Variants in NUP98 observed in about 807,000 individuals in gnomAD.
The protein encoded by NUP98 is nuclear pore complex protein Nup98-Nup96.
In NUP98, 26 loss-of-function variants were observed where a neutral mutation model predicts 191.9. The observed-to-expected ratio is 0.14, with a 90% CI of 0.10 to 0.19. The LOEUF is 0.19. Among genes scored for constraint, NUP98 ranks in the 10% least tolerant of loss-of-function variants. The pLI, the probability that NUP98 is intolerant of heterozygous loss-of-function variation, is 1.00. For missense variants in NUP98, 1,941 were observed against 2,178.8 expected (o/e 0.89, Z 2.17); for synonymous variants, 808 against 778.4 (o/e 1.04, Z -0.63).
At chr11:3,735,461 G>A (rs1589836933) in intron 12 of NUP98, 137 bp from the exon 13 acceptor site, 1 of 368,796 alleles carries the variant, frequency 2.7e-6, no homozygotes, top group Non-Finnish European at 4.5e-6. Flanking sequence ...TATCATTGGG[G>A]CAGAATGTGT....
chr11:3,685,438 A>G (rs2078108614), intron 29 of NUP98, among the ~76,000 whole-genome samples: 5 of 152,228 alleles, frequency 3.3e-5, no homozygotes, highest in Admixed American at 3.3e-4. Flanking sequence ...CCTGCCGTGG[A>G]GTCACTGAGG....
intron 8 of NUP98, among the ~76,000 whole-genome samples, chr11:3,763,864 C>T (rs1449207989): frequency 6.6e-6 from 1 of 152,228 alleles, no homozygotes; most frequent in Non-Finnish European, 1.5e-5. Context: ...AAATGAGAAA[C>T]TATACTCATT....
chr11:3,703,406 CAG>C (rs1439930844), intron 22 of NUP98, among the ~76,000 whole-genome samples: 1 of 152,026 alleles, frequency 6.6e-6, no homozygotes, highest in African/African-American at 2.4e-5. Context: ...TTAGTAGAGA[CAG>C]AGTTTCACCA....
chr11:3,687,809 C>T (rs956184188), intron 28 of NUP98, among the ~76,000 whole-genome samples: 2 of 152,074 alleles, frequency 1.3e-5, no homozygotes, highest in Admixed American at 6.6e-5. Context: ...CGCCTGTAAT[C>T]CCAGCACTTT....
chr11:3,728,271 ACCT>A (rs2079699697), intron 14 of NUP98, among the ~76,000 whole-genome samples: 1 of 152,126 alleles, frequency 6.6e-6, no homozygotes, highest in African/African-American at 2.4e-5. Flanking sequence ...GGGAAATCCT[ACCT>A]TTGAGGACTT....
At chr11:3,684,400 A>G (rs1291904549) in intron 29 of NUP98, among the ~76,000 whole-genome samples, 1 of 152,158 alleles carries the variant, frequency 6.6e-6, no homozygotes. Flanking sequence ...AACTATTCTC[A>G]TTATGGACTC....
chr11:3,772,008 G>T, intron 6 of NUP98, 80 bp from the exon 7 acceptor site: 1 of 1,194,154 alleles, frequency 8.4e-7, no homozygotes, highest in Non-Finnish European at 1.2e-6. Context: ...CTTGAATTTA[G>T]TATTCAAGTT....
intron 30 of NUP98, among the ~76,000 whole-genome samples, chr11:3,680,724 T>C (rs2077959906): frequency 6.6e-6 from 1 of 152,098 alleles, no homozygotes; most frequent in East Asian, 1.9e-4. Context: ...TTTTTTGTAC[T>C]TTTGGTACAG....
At position 3,780,378 on chromosome 11, in the gene NUP98, A is replaced by T. The variant is rs1035532654; in HGVS notation, c.77-1121T>A. On this transcript the variant is annotated intron_variant, in intron 2 of 32. Transcript: ENST00000324932. ...ACCCTGTCTCCACTTAAAATAAAAA[A>T]AAAAAAAAAAAAAATTAGCCGGGCC... is the stretch of plus-strand genomic sequence containing the variant. Among the ~76,000 whole-genome samples, 10 of 150,194 alleles carry T rather than the reference A, an allele frequency of 6.7e-5. No homozygotes were observed. The East Asian group carries it at 7.9e-4, about 12-fold the overall frequency.
chr11:3,704,864 G>A (rs1477961600), intron 22 of NUP98, among the ~76,000 whole-genome samples: 1 of 152,152 alleles, frequency 6.6e-6, no homozygotes, highest in East Asian at 1.9e-4. Context: ...AAAATAATTA[G>A]TTGAGTAGTG....
intron 10 of NUP98, among the ~76,000 whole-genome samples, chr11:3,755,133 C>T (rs2080913263): frequency 6.6e-6 from 1 of 151,684 alleles, no homozygotes; most frequent in Non-Finnish European, 1.5e-5. Context: ...GCCAGAAAAC[C>T]CTGTTTGCAG....
intron 6 of NUP98, among the ~76,000 whole-genome samples, chr11:3,773,007 A>C (rs996970278): frequency 1.3e-5 from 2 of 152,060 alleles, no homozygotes; most frequent in South Asian, 2.1e-4. Flanking sequence ...AACAAAAAAA[A>C]ACCAACTTTT....
At chr11:3,724,889 T>C (rs530098903) in intron 15 of NUP98, among the ~76,000 whole-genome samples, 1 of 150,942 alleles carries the variant, frequency 6.6e-6, no homozygotes, top group African/African-American at 2.4e-5. Flanking sequence ...AATACCAAAA[T>C]AGTTCTGAAG....
chr11:3,797,521 C>G lies in NUP98; in HGVS notation c.-150G>C. On this transcript the variant is annotated 5_prime_UTR_variant, in exon 1 of 33. Coordinates refer to ENST00000324932, the MANE Select transcript of NUP98 (RefSeq NM_016320.5). ...CGCTACCACCCCTGCCACCGACCGC[C>G]GCTTCGGGCGCAGCGCGCAGAGGGC... 2 of 443,726 alleles carry G rather than the reference C, an allele frequency of 4.5e-6. No homozygotes were observed. Among genetic ancestry groups the G allele is most frequent in the Non-Finnish European group, 7.9e-6 (2 of 252,554 alleles). The allele number at this position is 443,726 out of a possible 1,614,324, so 27.5% of individuals were successfully genotyped here. A position where few individuals can be genotyped will look rare whatever the true frequency, so the allele number is the denominator to read the frequency against.
At chr11:3,775,799 G>A in intron 5 of NUP98, 83 bp downstream of exon 5, 2 of 1,386,184 alleles carry the variant, frequency 1.4e-6, no homozygotes, top group Non-Finnish European at 2.0e-6. Flanking sequence ...AAGCTGGAAA[G>A]AGAAGCAATT....
In NUP98 at chr11:3,723,139, C is replaced by T. The variant is rs764011800; in HGVS notation, c.2146+18G>A. 3.1e-6 allele frequency: 5 copies of T among 1,609,644 alleles called. No homozygotes were observed. The South Asian group carries it at 4.4e-5, about 14-fold the overall frequency. ...AATGACTGGTAAGAGATTAAACATG[C>T]ACCAATCTGAACCTGACCTGCTGGG... On this transcript the variant is annotated intron_variant, in intron 16 of 32. Coordinates refer to ENST00000324932, the MANE Select transcript of NUP98 (RefSeq NM_016320.5).
intron 12 of NUP98, among the ~76,000 whole-genome samples, chr11:3,738,692 T>A (rs976701937): frequency 1.3e-5 from 2 of 150,190 alleles, no homozygotes; most frequent in Admixed American, 1.3e-4. Context: ...GACAGGAGAA[T>A]TGTCTGAACC....
chr11:3,719,247 T>C (rs2079303362), intron 18 of NUP98, among the ~76,000 whole-genome samples, 165 bp downstream of exon 18: 2 of 152,194 alleles, frequency 1.3e-5, no homozygotes, highest in South Asian at 4.1e-4. Flanking sequence ...AATCACAGTA[T>C]AGCATTTCTT....
At chr11:3,694,285 C>T (rs1322933475) in intron 26 of NUP98, among the ~76,000 whole-genome samples, 3 of 150,368 alleles carry the variant, frequency 2.0e-5, no homozygotes, top group Non-Finnish European at 3.0e-5. Flanking sequence ...GCAGGAGAAT[C>T]GCCTGATCCT....
Sources: gnomAD v4.1 joint callset for allele counts (sites outside exome capture counted in the v4.1 genomes callset) on GRCh38, gnomAD v4.1.1 for gene constraint, MANE v1.5 for transcripts, NCBI Gene and HGNC (gene_info 2026-07-23, HGNC 2026-07-21) for gene names.